SNCAIP: variants seen among roughly 807,000 people sequenced by gnomAD.
SNCAIP encodes the protein synuclein alpha interacting protein, also known as synphilin-1.
In SNCAIP, 43 loss-of-function variants were observed where a neutral mutation model predicts 86.7. The observed-to-expected ratio is 0.50, with a 90% CI of 0.39 to 0.64. The LOEUF is 0.64. Among genes scored for constraint, SNCAIP ranks in the 30% least tolerant of loss-of-function variants. The pLI is 0.00. For synonymous variants in SNCAIP, 417 were observed against 427.2 expected (o/e 0.98, Z 0.29); for missense variants, 981 against 1,103.1 (o/e 0.89, Z 1.57).
intron 1 of SNCAIP, among the ~76,000 whole-genome samples, chr5:122,357,698 A>G (rs1434793727): frequency 3.3e-5 from 5 of 150,968 alleles, no homozygotes; most frequent in Admixed American, 1.3e-4. Flanking sequence ...TGGTCTGATT[A>G]ATCCAATGGA....
At chr5:122,351,101 G>A (rs1207881767) in intron 1 of SNCAIP, among the ~76,000 whole-genome samples, 1 of 152,070 alleles carries the variant, frequency 6.6e-6, no homozygotes, top group Non-Finnish European at 1.5e-5. Context: ...TTTAGTTTAT[G>A]TTCTCTCAAA....
chr5:122,312,489 G>T (rs930020668), intron 1 of SNCAIP: 9 of 152,252 alleles, frequency 5.9e-5, no homozygotes, highest in Non-Finnish European at 8.8e-5. Flanking sequence ...GGTCTCTATA[G>T]TAACAGTAAC....
intron 1 of SNCAIP, chr5:122,388,840 A>G (rs566287685): frequency 3.3e-5 from 5 of 152,238 alleles, no homozygotes; most frequent in African/African-American, 1.2e-4. Context: ...CTTAAAGGAG[A>G]TAGCATGTGG....
At chr5:122,458,013 C>G (rs1785194653) in intron 10 of SNCAIP, among the ~76,000 whole-genome samples, 1 of 152,134 alleles carries the variant, frequency 6.6e-6, no homozygotes, top group South Asian at 2.1e-4. Flanking sequence ...AAGATGGATG[C>G]ACAAATGGGG....
chr5:122,337,732 G>C (rs1249377437), intron 1 of SNCAIP, among the ~76,000 whole-genome samples: 1 of 152,160 alleles, frequency 6.6e-6, no homozygotes, highest in Non-Finnish European at 1.5e-5. Context: ...TAGAGGCAGG[G>C]CTTCGCCATG....
intron 1 of SNCAIP, among the ~76,000 whole-genome samples, chr5:122,347,366 G>A (rs1364024220): frequency 2.7e-5 from 4 of 150,112 alleles, no homozygotes; most frequent in Non-Finnish European, 4.4e-5. Flanking sequence ...TTGACCGGTT[G>A]TAGGAGTGCT....
chr5:122,445,928 C>T (rs765903305), intron 8 of SNCAIP, among the ~76,000 whole-genome samples: 1 of 151,846 alleles, frequency 6.6e-6, no homozygotes, highest in African/African-American at 2.4e-5. Flanking sequence ...TACCCCTCCC[C>T]CTGTCAATAC....
chr5:122,353,588 C>T lies in SNCAIP; in HGVS notation c.-46-37501C>T, dbSNP rs1379939669. Among the ~76,000 whole-genome samples the T allele has an allele frequency of 2.6e-5, 4 of 152,004 alleles. No individual in the cohort carries two copies. The South Asian group carries it at 6.2e-4, about 24-fold the overall frequency. On this transcript the variant is annotated intron_variant, in intron 1 of 10. Transcript: ENST00000261368. ...GTGGGAGGTAATTGAATCATGGGGG[C>T]GGGTCTTTCTTGTGCTATTCTCATG...
At chr5:122,386,905 G>C (rs1345835520) in intron 1 of SNCAIP, among the ~76,000 whole-genome samples, 3 of 152,054 alleles carry the variant, frequency 2.0e-5, no homozygotes, top group Non-Finnish European at 4.4e-5. Flanking sequence ...AAAAGAAATG[G>C]GATGATTTCA....
At chr5:122,386,315 T>C (rs1406291762) in intron 1 of SNCAIP, among the ~76,000 whole-genome samples, 2 of 152,212 alleles carry the variant, frequency 1.3e-5, no homozygotes, top group Non-Finnish European at 2.9e-5. Context: ...AATGTGGTTC[T>C]CAGTTATTTT....
chr5:122,317,492 C>T (rs542217167), intron 1 of SNCAIP, among the ~76,000 whole-genome samples: 6 of 152,228 alleles, frequency 3.9e-5, no homozygotes, highest in East Asian at 3.9e-4. Context: ...ACCCTATGGC[C>T]GGAGATTTGG....
intron 3 of SNCAIP, among the ~76,000 whole-genome samples, chr5:122,411,417 A>G (rs1374247695): frequency 6.6e-6 from 1 of 152,078 alleles, no homozygotes; most frequent in Non-Finnish European, 1.5e-5. Context: ...CTAGTTTAGG[A>G]GCTTCTGTTA....
At chr5:122,321,711 C>G (rs1049056428) in intron 1 of SNCAIP, 7 of 152,234 alleles carry the variant, frequency 4.6e-5, no homozygotes, top group African/African-American at 1.4e-4. Flanking sequence ...TGCTCCCTGG[C>G]TCTGTTCCCC....
intron 5 of SNCAIP, among the ~76,000 whole-genome samples, chr5:122,426,122 A>T (rs1357603360): frequency 6.6e-6 from 1 of 152,238 alleles, no homozygotes; most frequent in Non-Finnish European, 1.5e-5. Context: ...GGACTTTTAT[A>T]GCACTGCAGC....
intron 1 of SNCAIP, among the ~76,000 whole-genome samples, chr5:122,380,217 C>A (rs1268838686): frequency 1.3e-5 from 2 of 152,198 alleles, no homozygotes; most frequent in African/African-American, 4.8e-5. Flanking sequence ...ACAATTTCAG[C>A]TCCTGTTATT....
intron 2 of SNCAIP, among the ~76,000 whole-genome samples, chr5:122,393,059 A>G (rs753812955): frequency 1.3e-5 from 2 of 152,206 alleles, no homozygotes; most frequent in Non-Finnish European, 2.9e-5. Flanking sequence ...CGTTTAGCAA[A>G]CTAGGCTACA....
intron 1 of SNCAIP, among the ~76,000 whole-genome samples, chr5:122,339,647 G>T (rs1757169527): frequency 1.3e-5 from 2 of 148,738 alleles, no homozygotes; most frequent in East Asian, 2.0e-4. Flanking sequence ...TTTGTGGTCA[G>T]TTTTTATCTG....
chr5:122,364,330 T>G (rs996422725), intron 1 of SNCAIP, among the ~76,000 whole-genome samples: 1 of 152,240 alleles, frequency 6.6e-6, no homozygotes, highest in Admixed American at 6.5e-5. Context: ...TTCCTTTACT[T>G]TCTTAATAAA....
intron 1 of SNCAIP, among the ~76,000 whole-genome samples, chr5:122,370,245 A>G (rs1244019114): frequency 2.0e-5 from 3 of 152,060 alleles, no homozygotes; most frequent in Non-Finnish European, 4.4e-5. Context: ...TATGGCCCAC[A>G]TGGATCCCAC....
Sources: gnomAD v4.1 joint callset for allele counts (sites outside exome capture counted in the v4.1 genomes callset) on GRCh38, gnomAD v4.1.1 for gene constraint, MANE v1.5 for transcripts, NCBI Gene and HGNC (gene_info 2026-07-23, HGNC 2026-07-21) for gene names.